Variants in AHCTF1 observed in about 807,000 individuals in gnomAD.
The protein encoded by AHCTF1 is AT-hook containing transcription factor 1.
Under a neutral mutation model 248.4 loss-of-function variants are expected in AHCTF1, and 24 were observed. The ratio of observed to expected loss-of-function variants is 0.10; its 90% CI spans 0.07 to 0.14. The LOEUF is 0.14. Ranked by LOEUF, AHCTF1 falls within the 10% of genes least tolerant of loss-of-function variation. The probability of loss-of-function intolerance (pLI) is 1.00; values close to 1 mark genes in which losing one functional copy is unlikely to be tolerated. For missense variants in AHCTF1, 2,206 were observed against 2,636.2 expected (o/e 0.84, Z 3.57); for synonymous variants, 786 against 929.8 (o/e 0.85, Z 2.81).
chr1:246,862,027 G>A lies in AHCTF1; in HGVS notation c.3667C>T (p.Pro1223Ser), dbSNP rs1382392422. The change falls in exon 28 of 36, where the codon CCT (proline) becomes TCT (serine). Residue 1223 changes from proline (P) to serine (S), a missense_variant. This residue lies in a region of AHCTF1 where 955 missense variants were observed against 1,055.6 expected (regional missense o/e 0.90). Coordinates refer to ENST00000648844, the MANE Select transcript of AHCTF1 (RefSeq NM_001323342.2). ...ATTCTAGTTTCTTTAAGTCGTTGAG[G>A]AGACCTTCCAGGTGATGGAGAGGGA... ...ASPSPSPGRS[P>S]QRLKETRISF... 1 of 1,613,686 alleles carries A rather than the reference G, an allele frequency of 6.2e-7. No individual in the cohort carries two copies. The highest frequency in any genetic ancestry group is 1.1e-5 in the South Asian group (1 of 91,058).
intron 23 of AHCTF1, 54 bp from the exon 24 acceptor site, chr1:246,876,241 T>A: frequency 7.1e-7 from 1 of 1,404,666 alleles, no homozygotes; most frequent in Non-Finnish European, 9.5e-7. Context: ...TTAGGTGCTG[T>A]AATTCTATAT....
intron 19 of AHCTF1, among the ~76,000 whole-genome samples, chr1:246,887,849 A>C (rs1469134138): frequency 6.6e-6 from 1 of 152,224 alleles, no homozygotes; most frequent in Non-Finnish European, 1.5e-5. Context: ...TCCAGCACAG[A>C]GGTTAATGCC....
intron 21 of AHCTF1, among the ~76,000 whole-genome samples, chr1:246,881,663 C>A (rs1382652858): frequency 2.0e-5 from 3 of 151,718 alleles, no homozygotes; most frequent in Non-Finnish European, 4.4e-5. Context: ...ATGGGTGAAA[C>A]CCTGTCTCTA....
At chr1:246,868,868 G>GAAAAAAGTACCACGTGATGAATGAGTACA (rs1662261203) in intron 24 of AHCTF1, among the ~76,000 whole-genome samples, 2 of 140,174 alleles carry the variant, frequency 1.4e-5, no homozygotes, top group African/African-American at 5.4e-5. Context: ...TTTTTGAGAT[G>GAAAAAAGTACCACGTGATGAATGAGTACA]GAGTCTCGCT....
chr1:246,913,576 A>T lies in AHCTF1; in HGVS notation c.376-164T>A, dbSNP rs543040131. On this transcript the variant is annotated intron_variant, in intron 3 of 35. Coordinates refer to ENST00000648844, the MANE Select transcript of AHCTF1 (RefSeq NM_001323342.2). Reference sequence around the variant, plus strand: ...TCTGAATAATGAAATCTTCAGCTATACTAGGAATTACACCATTACTCAATA... The same window carrying T: ...TCTGAATAATGAAATCTTCAGCTATTCTAGGAATTACACCATTACTCAATA... 2.0e-5 allele frequency among the ~76,000 whole-genome samples: 3 copies of T among 152,388 alleles called. No individual in the cohort carries two copies. The South Asian group carries it at 6.2e-4, about 32-fold the overall frequency.
intron 1 of AHCTF1, among the ~76,000 whole-genome samples, chr1:246,930,057 A>C (rs1667234905): frequency 6.6e-6 from 1 of 152,188 alleles, no homozygotes; most frequent in Non-Finnish European, 1.5e-5. Context: ...GTCTCAAAAA[A>C]AAAAAAAGAT....
At chr1:246,895,814 T>C (rs1476917760) in intron 13 of AHCTF1, 21 bp downstream of exon 13, 8 of 1,563,408 alleles carry the variant, frequency 5.1e-6, no homozygotes, top group Admixed American at 3.6e-5. Context: ...CCAAACATTT[T>C]ACTTGTTATC....
Position 246,841,566 on chromosome 1 carries a change from C to A in AHCTF1, c.6609-568G>T, listed in dbSNP as rs116044324. On this transcript the variant is annotated intron_variant, in intron 35 of 35. Transcript: ENST00000648844. ...TAAACAAGATACTGTGTAACAAATA[C>A]ATCTGAAATGGAGTGATCTTCCCAT... 8.9e-3 allele frequency among the ~76,000 whole-genome samples: 1,357 copies of A among 152,282 alleles called. 18 individuals are homozygous for A. Among genetic ancestry groups the A allele is most frequent in the African/African-American group, 0.031 (1,300 of 41,562 alleles).
intron 12 of AHCTF1, among the ~76,000 whole-genome samples, chr1:246,897,912 G>C (rs539356998): frequency 1.2e-5 from 1 of 80,778 alleles, no homozygotes. Flanking sequence ...CCAAGAGGTT[G>C]AGGCTACAGT....
intron 17 of AHCTF1, among the ~76,000 whole-genome samples, chr1:246,889,553 C>T (rs1212140605): frequency 6.6e-6 from 1 of 152,206 alleles, no homozygotes; most frequent in African/African-American, 2.4e-5. Flanking sequence ...TTCTAAAGCA[C>T]TGGTTCCCAC....
chr1:246,847,740 GTTAAAA>G (rs1007060978), intron 33 of AHCTF1, among the ~76,000 whole-genome samples: 5 of 152,086 alleles, frequency 3.3e-5, no homozygotes, highest in Admixed American at 6.6e-5. Flanking sequence ...ACAGAAAAAA[GTTAAAA>G]TTAGTAGGTA....
rs766006266 is a variant in AHCTF1, at chr1:246,860,990, T to A, written c.4041A>T (p.Leu1347=). Residue 1347 remains leucine, a synonymous_variant, in exon 29 of 36, where the codon CTA becomes CTT. Coordinates refer to ENST00000648844, the MANE Select transcript of AHCTF1 (RefSeq NM_001323342.2). ...ASKPKSSSTA[L]TTNVTEQTEK... The stretch of plus-strand genomic sequence containing the variant: ...CAGTTTGTTCAGTTACATTAGTAGT[T>A]AGTGCAGTGGAAGAGCTTTTGGGCT... 6.2e-7 allele frequency: 1 copy of A among 1,613,866 alleles called. No individual in the cohort carries two copies. The highest frequency in any genetic ancestry group is 8.5e-7 in the Non-Finnish European group (1 of 1,179,874).
chr1:246,858,902 T>C (rs1661311083), intron 29 of AHCTF1, among the ~76,000 whole-genome samples: 1 of 151,904 alleles, frequency 6.6e-6, no homozygotes, highest in South Asian at 2.1e-4. Context: ...ACAGCTACCA[T>C]TTAAACATGT....
In AHCTF1 at chr1:246,862,179, C is replaced by T. The variant is rs754545901; in HGVS notation, c.3541-26G>A. The T allele has an allele frequency of 4.4e-6, 7 of 1,586,794 alleles. No homozygotes were observed. In the Admixed American group the frequency reaches 5.3e-5, roughly 12 times the overall value. ...CTATAGTAAAGAGCAAATGGAATTA[C>T]ACCATTAAAAGTGCTTATAGGCCGG... On this transcript the variant is annotated intron_variant, in intron 27 of 35. Transcript: ENST00000648844.
In AHCTF1 at chr1:246,851,290, G is replaced by A; in HGVS notation, c.4716C>T (p.Asp1572=). The stretch of plus-strand genomic sequence containing the variant: ...CTTCAGCAATGTCACATTCAGCAGT[G>A]TCTTTGTTATCAGCTAAGTCACAAA... ...QQFCDLADNK[D]TAECDIAEVD... is the part of the protein sequence containing the mutation. The change falls in exon 33 of 36, where the codon GAC becomes GAT. Residue 1572 remains aspartate (D), a synonymous_variant. Coordinates refer to ENST00000648844, the MANE Select transcript of AHCTF1 (RefSeq NM_001323342.2). 7 of 1,613,970 alleles carry A rather than the reference G, an allele frequency of 4.3e-6. No individual in the cohort carries two copies. The highest frequency in any genetic ancestry group is 5.9e-6 in the Non-Finnish European group (7 of 1,179,932).
chr1:246,910,501 G>A (rs1665724606), intron 4 of AHCTF1, among the ~76,000 whole-genome samples: 1 of 152,216 alleles, frequency 6.6e-6, no homozygotes, highest in Non-Finnish European at 1.5e-5. Context: ...AGAGGGAAAG[G>A]AGGAAAGGGG....
chr1:246,905,291 A>G (rs893468081), intron 6 of AHCTF1, among the ~76,000 whole-genome samples: 21 of 152,166 alleles, frequency 1.4e-4, no homozygotes, highest in African/African-American at 5.1e-4. Flanking sequence ...TGAGGTCAGG[A>G]GTTCAAGACC....
At chr1:246,858,973 AT>A (rs2103060979) in intron 29 of AHCTF1, among the ~76,000 whole-genome samples, 1 of 151,990 alleles carries the variant, frequency 6.6e-6, no homozygotes, top group East Asian at 1.9e-4. Context: ...CATGCCTGTA[AT>A]CCAGCTACTT....
intron 30 of AHCTF1, among the ~76,000 whole-genome samples, chr1:246,856,803 G>C (rs1260423867): frequency 6.6e-6 from 1 of 152,178 alleles, no homozygotes; most frequent in Non-Finnish European, 1.5e-5. Flanking sequence ...TTTAGTTCAA[G>C]GTACAAGGGG....
Sources: allele counts gnomAD v4.1 joint callset (sites outside exome capture counted in the v4.1 genomes callset), GRCh38; gene constraint gnomAD v4.1.1; regional missense constraint gnomAD v4.1.1; transcripts MANE v1.5; gene names NCBI Gene and HGNC (gene_info 2026-07-23, HGNC 2026-07-21).